Variants in CROT observed in about 807,000 individuals in gnomAD.
CROT encodes the protein carnitine O-octanoyltransferase.
CROT carries 84 observed loss-of-function variants against 89.2 expected under a neutral mutation model. That is an observed-to-expected ratio of 0.94 (90% confidence interval 0.79 to 1.13). The LOEUF (loss-of-function observed/expected upper bound fraction) is 1.13, where lower values mean the gene tolerates loss of function less well. Ranked by LOEUF, CROT falls within the 50% of genes most tolerant of loss-of-function variation. CROT has a pLI of 0.00. For synonymous variants in CROT, 212 were observed against 239.5 expected (o/e 0.89, Z 1.06); for missense variants, 711 against 727.8 (o/e 0.98, Z 0.27).
At chr7:87,390,349 G>A (rs1234482489) in intron 13 of CROT, among the ~76,000 whole-genome samples, 1 of 152,096 alleles carries the variant, frequency 6.6e-6, no homozygotes, top group Admixed American at 6.5e-5. Context: ...GAAGATCATT[G>A]CTAAGGTTCA....
intron 13 of CROT, among the ~76,000 whole-genome samples, chr7:87,391,124 GC>G: frequency 6.6e-6 from 1 of 152,306 alleles, no homozygotes; most frequent in South Asian, 2.1e-4. Context: ...GTTTTCTGCC[GC>G]TAGGGCCTCT....
chr7:87,390,202 C>A (rs1462242186), intron 13 of CROT, among the ~76,000 whole-genome samples: 1 of 152,068 alleles, frequency 6.6e-6, no homozygotes, highest in Non-Finnish European at 1.5e-5. Flanking sequence ...TTATGTTTTA[C>A]AATAATAAAT....
chr7:87,370,730 G>T (rs546600235), intron 7 of CROT, among the ~76,000 whole-genome samples: 1 of 152,204 alleles, frequency 6.6e-6, no homozygotes, highest in African/African-American at 2.4e-5. Context: ...CTTCCCAGGG[G>T]CAGTCATTTA....
Position 87,391,686 on chromosome 7 carries a change from C to G in CROT, c.1399C>G (p.Gln467Glu). ...SCTVEAVRWC[Q>E]SMQDPSVNLR... ...CACAGTTGAAGCAGTGAGGTGGTGC[C>G]AGTCCATGCAGGATCCTTCTGTCAA... Residue 467 changes from glutamine (Q) to glutamate (E), a missense_variant, in exon 14 of 18, where the codon CAG becomes GAG. Transcript: ENST00000331536. 6.2e-7 allele frequency: 1 copy of G among 1,609,858 alleles called. No homozygotes were observed. The highest frequency in any genetic ancestry group is 8.5e-7 in the Non-Finnish European group (1 of 1,178,522).
chr7:87,379,132 G>GC (rs1361980100), intron 10 of CROT, among the ~76,000 whole-genome samples: 1 of 152,054 alleles, frequency 6.6e-6, no homozygotes, highest in Middle Eastern at 3.2e-3. Flanking sequence ...GTGGTTAACT[G>GC]CCCCCTGGCT....
At chr7:87,394,737 C>CGAAGTTATTA (rs1807471326) in intron 17 of CROT, among the ~76,000 whole-genome samples, 5 of 151,988 alleles carry the variant, frequency 3.3e-5, no homozygotes, top group Admixed American at 1.3e-4. Context: ...ATAGACTCTA[C>CGAAGTTATTA]TATGATTCTA....
Position 87,352,708 on chromosome 7 carries a change from A to G in CROT, c.115+3525A>G, listed in dbSNP as rs112408374. ...GAAGGACTAAATAGTTTCAAATTAT[A>G]GAGGAAAACAAAACATAAGGAATTA... On this transcript the variant is annotated intron_variant, in intron 3 of 17. Coordinates refer to ENST00000331536, the MANE Select transcript of CROT (RefSeq NM_021151.4). Among the ~76,000 whole-genome samples, 1,121 of 152,344 alleles carry G rather than the reference A, an allele frequency of 7.4e-3. 12 individuals are homozygous for G. The highest frequency in any genetic ancestry group is 0.025 in the African/African-American group (1,051 of 41,572).
chr7:87,392,956 G>A lies in CROT; in HGVS notation c.1607G>A (p.Gly536Asp). The change falls in exon 17 of 18, where the codon GGT becomes GAT. Residue 536 changes from glycine to aspartate, a missense_variant. Gly to Asp is a moderately conservative substitution (Grantham distance 94, BLOSUM62 -1). Transcript: ENST00000331536. The part of the protein sequence containing the change: ...TDPLFSKSGG[G>D]GNFVLSTSLV... Reference sequence around the variant, plus strand: ...TTTATTGTGCCACACAGCGGAGGAGGTGGAAATTTTGTTCTCTCAACAAGT... The same window carrying A: ...TTTATTGTGCCACACAGCGGAGGAGATGGAAATTTTGTTCTCTCAACAAGT... 1 of 1,613,686 alleles carries A rather than the reference G, an allele frequency of 6.2e-7. No homozygotes were observed. The highest frequency in any genetic ancestry group is 8.5e-7 in the Non-Finnish European group (1 of 1,179,730).
rs1014378643 is a variant in CROT at position 87,361,845 on chromosome 7, T to G, written c.540T>G (p.Phe180Leu). Residue 180 changes from phenylalanine to leucine, a missense_variant, in exon 6 of 18, where the codon TTT becomes TTG. By Grantham distance (22) the Phe-to-Leu change is conservative. Coordinates refer to ENST00000331536, the MANE Select transcript of CROT (RefSeq NM_021151.4). The stretch of plus-strand genomic sequence containing the variant: ...CTAGAGACTCCATTATGAATTATTT[T>G]AGGACTGGTAAGTAAAAATGCAGAT... Reference protein sequence around the residue: ...GITRDSIMNYFRTESEGRSPN... With the variant: ...GITRDSIMNYLRTESEGRSPN... 2.5e-6 allele frequency: 4 copies of G among 1,580,922 alleles called. No homozygotes were observed. In the African/African-American group the frequency reaches 5.5e-5, roughly 22 times the overall value.
intron 17 of CROT, among the ~76,000 whole-genome samples, chr7:87,396,205 G>A (rs1807519564): frequency 6.6e-6 from 1 of 152,162 alleles, no homozygotes; most frequent in South Asian, 2.1e-4. Flanking sequence ...AAGGTGGGAA[G>A]ATTGCTTGAG....
At chr7:87,373,604 G>C (rs1806710757) in intron 7 of CROT, among the ~76,000 whole-genome samples, 1 of 152,026 alleles carries the variant, frequency 6.6e-6, no homozygotes, top group African/African-American at 2.4e-5. Flanking sequence ...TGGAAATGTT[G>C]GCAGGAATCG....
intron 10 of CROT, among the ~76,000 whole-genome samples, chr7:87,380,080 C>T (rs942982914): frequency 2.6e-5 from 4 of 151,976 alleles, no homozygotes; most frequent in African/African-American, 9.7e-5. Context: ...CACTGCACTC[C>T]CACCCAGGCA....
At chr7:87,361,345 A>G (rs779243437) in intron 4 of CROT, 45 bp from the exon 5 acceptor site, 1 of 1,524,980 alleles carries the variant, frequency 6.6e-7, no homozygotes, top group African/African-American at 1.4e-5. Flanking sequence ...TTACACATTC[A>G]TGTATTATGA....
intron 13 of CROT, among the ~76,000 whole-genome samples, chr7:87,383,028 T>G (rs1807073623): frequency 6.6e-6 from 1 of 152,208 alleles, no homozygotes; most frequent in African/African-American, 2.4e-5. Flanking sequence ...GTGATTTTTT[T>G]GATACATGCA....
chr7:87,349,159 T>A lies in CROT; in HGVS notation c.91T>A (p.Ser31Thr), dbSNP rs1391974307. The A allele has an allele frequency of 6.3e-7, 1 of 1,586,196 alleles. No individual in the cohort carries two copies. The highest frequency in any genetic ancestry group is 8.6e-7 in the Non-Finnish European group (1 of 1,160,188). The stretch of plus-strand genomic sequence containing the variant: ...ACTGCCTGTTCCTTCACTTGAAGAA[T>A]CATTAAAAAAATACCTTGAATCAGG... Reference protein sequence around the residue: ...PSLPVPSLEESLKKYLESVKP... With the variant: ...PSLPVPSLEETLKKYLESVKP... Residue 31 changes from serine (S) to threonine (T), a missense_variant, in exon 3 of 18, where the codon TCA becomes ACA. By Grantham distance (58) the Ser-to-Thr change is moderately conservative. Coordinates refer to ENST00000331536, the MANE Select transcript of CROT (RefSeq NM_021151.4).
At chr7:87,373,088 C>T (rs1205685775) in intron 7 of CROT, among the ~76,000 whole-genome samples, 1 of 152,026 alleles carries the variant, frequency 6.6e-6, no homozygotes, top group African/African-American at 2.4e-5. Context: ...ATTAGGGTTC[C>T]AGTTTCTCCA....
intron 6 of CROT, among the ~76,000 whole-genome samples, chr7:87,365,867 A>T (rs1391706441): frequency 6.6e-6 from 1 of 151,926 alleles, no homozygotes; most frequent in African/African-American, 2.4e-5. Flanking sequence ...CAGCCCCCAA[A>T]GTGTTGGGAT....
At chr7:87,360,868 T>A (rs1806244239) in intron 4 of CROT, among the ~76,000 whole-genome samples, 1 of 152,206 alleles carries the variant, frequency 6.6e-6, no homozygotes, top group Admixed American at 6.5e-5. Flanking sequence ...ATAGTGTAGT[T>A]AAAACAAATA....
intron 3 of CROT, among the ~76,000 whole-genome samples, chr7:87,354,125 T>C (rs1805976612): frequency 6.6e-6 from 1 of 152,218 alleles, no homozygotes; most frequent in Non-Finnish European, 1.5e-5. Flanking sequence ...GAGGTCATTG[T>C]AAAATAATAG....
Sources: allele counts gnomAD v4.1 joint callset (sites outside exome capture counted in the v4.1 genomes callset), GRCh38; gene constraint gnomAD v4.1.1; transcripts MANE v1.5; gene names NCBI Gene and HGNC (gene_info 2026-07-23, HGNC 2026-07-21).